The following SLIT3 variants were observed in gnomAD, a reference collection of about 807,000 sequenced individuals.
SLIT3 encodes the protein slit guidance ligand 3, also known as slit homolog 3 protein.
A neutral mutation model predicts 184.0 loss-of-function variants in SLIT3; 68 were observed. The observed-to-expected ratio is 0.37, with a 90% CI of 0.30 to 0.45. The LOEUF (loss-of-function observed/expected upper bound fraction) is 0.45, where lower values mean the gene tolerates loss of function less well. SLIT3 is among the 20% of genes least tolerant of loss of function. The pLI is 1.00. For missense variants in SLIT3, 1,707 were observed against 2,026.0 expected, an observed-to-expected ratio of 0.84 and a Z score of 3.02; for synonymous variants, 831 against 828.6, an observed-to-expected ratio of 1.00 and a Z score of -0.05.
chr5:169,193,461 C>T lies in SLIT3; in HGVS notation c.413+18G>A. 2 of 1,610,788 alleles carry T rather than the reference C, an allele frequency of 1.2e-6. No individual in the cohort carries two copies. Among genetic ancestry groups the T allele is most frequent in the East Asian group, 2.2e-5 (1 of 44,854 alleles). Reference sequence around the variant, plus strand: ...CAGGCAAGGCACAAGGTAGAGAACACAAGGCAACTCTACTCACAGTCTGGT... The same window carrying T: ...CAGGCAAGGCACAAGGTAGAGAACATAAGGCAACTCTACTCACAGTCTGGT... On this transcript the variant is annotated intron_variant, in intron 4 of 35. Coordinates refer to ENST00000519560, the MANE Select transcript of SLIT3 (RefSeq NM_003062.4).
chr5:169,071,722 G>C (rs1359254362), intron 4 of SLIT3, among the ~76,000 whole-genome samples: 1 of 152,224 alleles, frequency 6.6e-6, no homozygotes, highest in African/African-American at 2.4e-5. Flanking sequence ...ACTGCCTGGC[G>C]GTCCCTTTCC....
intron 3 of SLIT3, among the ~76,000 whole-genome samples, chr5:169,235,086 G>C (rs1477569256): frequency 1.3e-5 from 2 of 152,066 alleles, no homozygotes. Context: ...ACATTTTCTT[G>C]AATAGTAATT....
intron 32 of SLIT3, among the ~76,000 whole-genome samples, chr5:168,675,561 C>A (rs1361537138): frequency 6.6e-6 from 1 of 152,090 alleles, no homozygotes; most frequent in Non-Finnish European, 1.5e-5. Flanking sequence ...AGAGAGGGTA[C>A]GTGAAAGTGC....
chr5:168,715,659 G>A lies in SLIT3; in HGVS notation c.2484-3305C>T, dbSNP rs115576688. ...TTAGGAAAACAGGGCGAGAGGCAGA[G>A]GTACATTTTATTTTTTATTTTATGA... On this transcript the variant is annotated intron_variant, in intron 23 of 35. Transcript: ENST00000519560. Among the ~76,000 whole-genome samples, 206 of 152,294 alleles carry A rather than the reference G, an allele frequency of 1.4e-3. 2 individuals carry two copies. Among genetic ancestry groups the A allele is most frequent in the African/African-American group, 4.8e-3 (201 of 41,570 alleles).
intron 29 of SLIT3, among the ~76,000 whole-genome samples, chr5:168,687,413 C>T (rs1761779666): frequency 6.6e-6 from 1 of 152,218 alleles, no homozygotes; most frequent in Non-Finnish European, 1.5e-5. Context: ...TCAGTTTGGT[C>T]CTTCCTTTGG....
At chr5:169,299,141 A>G (rs1169225218) in intron 1 of SLIT3, among the ~76,000 whole-genome samples, 5 of 152,224 alleles carry the variant, frequency 3.3e-5, no homozygotes, top group African/African-American at 7.2e-5. Context: ...GGTTTTCGAC[A>G]TGTGTTAATA....
rs1436192390 is a variant in SLIT3, at chr5:168,666,509, G to A, written c.4517C>T (p.Ser1506Leu). The A allele has an allele frequency of 1.9e-6, 3 of 1,608,710 alleles. No homozygotes were observed. The highest frequency in any genetic ancestry group is 1.7e-6 in the Non-Finnish European group (2 of 1,177,314). Reference protein sequence around the residue: ...KYVFQCTDGSSFVEEVERHLE... With the variant: ...KYVFQCTDGSLFVEEVERHLE... Reference sequence around the variant, plus strand: ...GTGTCTCTCCACCTCTTCTACAAACGAGGAGCCGTCCGTGCACTGGAAGAC... The same window carrying A: ...GTGTCTCTCCACCTCTTCTACAAACAAGGAGCCGTCCGTGCACTGGAAGAC... The change falls in exon 36 of 36, where the codon TCG becomes TTG. Residue 1506 changes from serine to leucine, a missense_variant. Ser to Leu is a moderately radical substitution (Grantham distance 145). This residue lies in a region of SLIT3 where 387 missense variants were observed against 477.9 expected (regional missense o/e 0.81). Transcript: ENST00000519560.
In SLIT3 at chr5:168,666,554, C is replaced by T. The variant is rs140403495; in HGVS notation, c.4472G>A (p.Arg1491His). ...GCGPQCCQPT[R>H]SKRRKYVFQC... ...GAAGACGTATTTCCGCCGCTTGCTG[C>T]GGGTGGGCTGGCAGCACTGGGGCCC... is the stretch of plus-strand genomic sequence containing the variant. The change falls in exon 36 of 36, where the codon CGC (arginine) becomes CAC (histidine). Residue 1491 changes from arginine (R) to histidine (H), a missense_variant. This residue lies in a region of SLIT3 where 387 missense variants were observed against 477.9 expected (regional missense o/e 0.81). Transcript: ENST00000519560. 2.5e-5 allele frequency: 40 copies of T among 1,613,786 alleles called. No homozygotes were observed. The highest frequency in any genetic ancestry group is 1.7e-4 in the African/African-American group (13 of 74,924).
At chr5:168,993,005 G>A (rs1475968358) in intron 4 of SLIT3, 2 of 152,164 alleles carry the variant, frequency 1.3e-5, no homozygotes, top group African/African-American at 2.4e-5. Context: ...AGGGTGACGC[G>A]GCGCAAGATT....
intron 4 of SLIT3, among the ~76,000 whole-genome samples, chr5:168,987,909 G>C (rs1384890792): frequency 6.6e-6 from 1 of 152,204 alleles, no homozygotes; most frequent in Non-Finnish European, 1.5e-5. Flanking sequence ...CATTTTCTGT[G>C]AGTGCACTAC....
chr5:169,281,694 C>A (rs1381541154), intron 1 of SLIT3, among the ~76,000 whole-genome samples: 1 of 152,182 alleles, frequency 6.6e-6, no homozygotes, highest in African/African-American at 2.4e-5. Flanking sequence ...CTCAGAACCC[C>A]CACCTGAAAC....
At chr5:168,761,548 C>T (rs1189018238) in intron 15 of SLIT3, among the ~76,000 whole-genome samples, 1 of 152,044 alleles carries the variant, frequency 6.6e-6, no homozygotes, top group African/African-American at 2.4e-5. Flanking sequence ...TCTCCCCAAC[C>T]ACTGTAGGAG....
chr5:168,704,857 C>T (rs1762330351), intron 26 of SLIT3, among the ~76,000 whole-genome samples: 1 of 152,148 alleles, frequency 6.6e-6, no homozygotes, highest in Non-Finnish European at 1.5e-5. Context: ...CTGTTAGCCA[C>T]TCATGCAGAA....
intron 1 of SLIT3, chr5:169,263,483 GC>G (rs1766269851): frequency 2.6e-6 from 1 of 388,464 alleles, no homozygotes; most frequent in African/African-American, 2.3e-5. Context: ...GCAAGGAAGG[GC>G]CCTCCCCTGC....
intron 33 of SLIT3, among the ~76,000 whole-genome samples, chr5:168,672,703 G>A (rs1416080707): frequency 6.6e-6 from 1 of 152,072 alleles, no homozygotes; most frequent in Non-Finnish European, 1.5e-5. Context: ...CCAACTCCTG[G>A]GCTCAAGTGA....
chr5:168,857,545 A>G (rs1187590785), intron 5 of SLIT3, among the ~76,000 whole-genome samples: 2 of 152,152 alleles, frequency 1.3e-5, no homozygotes, highest in Non-Finnish European at 2.9e-5. Context: ...CATGAAATAG[A>G]TGATTTCTAT....
intron 1 of SLIT3, among the ~76,000 whole-genome samples, chr5:169,253,429 C>T (rs182519009): frequency 9.2e-5 from 14 of 152,250 alleles, no homozygotes; most frequent in Admixed American, 2.0e-4. Flanking sequence ...GGACTGTCCC[C>T]GGCACAGAGT....
At chr5:168,866,634 AT>A (rs1390427422) in intron 5 of SLIT3, among the ~76,000 whole-genome samples, 1 of 152,034 alleles carries the variant, frequency 6.6e-6, no homozygotes, top group African/African-American at 2.4e-5. Context: ...TTTTGGATTG[AT>A]TTCCCCCAAT....
At chr5:168,765,037 A>AT (rs1387225841) in intron 14 of SLIT3, among the ~76,000 whole-genome samples, 3 of 152,082 alleles carry the variant, frequency 2.0e-5, no homozygotes, top group African/African-American at 7.2e-5. Context: ...ACATACAGAG[A>AT]TTTTTCCTTC....
Sources: gnomAD v4.1 joint callset for allele counts (sites outside exome capture counted in the v4.1 genomes callset) on GRCh38, gnomAD v4.1.1 for gene constraint, gnomAD v4.1.1 regional missense constraint, MANE v1.5 for transcripts, NCBI Gene and HGNC (gene_info 2026-07-23, HGNC 2026-07-21) for gene names.